The following CD1B variants were observed in gnomAD, a reference collection of about 807,000 sequenced individuals.
The protein encoded by CD1B is T-cell surface glycoprotein CD1b.
Under a neutral mutation model 39.8 loss-of-function variants are expected in CD1B, and 43 were observed. That is an observed-to-expected ratio of 1.08 (90% CI 0.85 to 1.39). The LOEUF is 1.39. CD1B is among the 40% of genes most tolerant of loss of function. CD1B has a pLI of 0.00. For missense variants in CD1B, 495 were observed against 403.8 expected (o/e 1.23, Z -1.94); for synonymous variants, 192 against 152.5 (o/e 1.26, Z -1.91).
In CD1B at chr1:158,329,863, A is replaced by G. The variant is rs1571188291; in HGVS notation, c.596T>C (p.Leu199Pro). 1 of 1,613,368 alleles carries G rather than the reference A, an allele frequency of 6.2e-7. No homozygotes were observed. Among genetic ancestry groups the G allele is most frequent in the South Asian group, 1.1e-5 (1 of 90,996 alleles). ...LGVLNAGKAD[L>P]QRQVKPEAWL... The stretch of plus-strand genomic sequence containing the variant: ...ACAGCAGGACTAACCTTGTCTTTGC[A>G]GATCTGCTTTTCCTGCATTGAGGAC... Residue 199 changes from leucine to proline, a missense_variant, in exon 3 of 6, where the codon CTG becomes CCG. Transcript: ENST00000368168.
chr1:158,329,168 A>T (rs930233286), intron 4 of CD1B, among the ~76,000 whole-genome samples, 154 bp from the exon 5 acceptor site: 5 of 151,862 alleles, frequency 3.3e-5, no homozygotes, highest in African/African-American at 1.2e-4. Context: ...GATCCCCTCT[A>T]CCCAGTTTAC....
the CD1B span, chr1:158,292,644 A>G: frequency 3.1e-6 from 5 of 1,613,438 alleles, no homozygotes; most frequent in Non-Finnish European, 4.2e-6. Context: ...GGGTCTGGCC[A>G]GCTGTTGCTG....
chr1:158,293,366 CTT>C, the CD1B span: 2 of 1,594,106 alleles, frequency 1.3e-6, no homozygotes, highest in South Asian at 1.1e-5. Flanking sequence ...TTTTCACTCT[CTT>C]AGCTTTTCTC....
the CD1B span, among the ~76,000 whole-genome samples, chr1:158,307,207 G>T: frequency 1.3e-5 from 2 of 152,032 alleles, no homozygotes; most frequent in Admixed American, 6.6e-5. Flanking sequence ...GAAGAAAAGA[G>T]AGCAGAATCA....
downstream of CD1B, among the ~76,000 whole-genome samples, chr1:158,326,441 A>T (rs1652353592): frequency 6.6e-6 from 1 of 152,220 alleles, no homozygotes; most frequent in Admixed American, 6.5e-5. Context: ...CCTACAGATT[A>T]AAAACGGTTT....
At chr1:158,327,349 A>C (rs764852502), downstream of CD1B, among the ~76,000 whole-genome samples, 4 of 152,178 alleles carry the variant, frequency 2.6e-5, no homozygotes, top group Admixed American at 1.3e-4. Context: ...GACCCTTTAA[A>C]AGCTAGACTA....
intron 3 of CD1B, 35 bp downstream of exon 3, chr1:158,329,817 G>A (rs750523179): frequency 6.3e-7 from 1 of 1,593,250 alleles, no homozygotes; most frequent in South Asian, 1.2e-5. Context: ...GATCTTAGAG[G>A]AGGTGGTGGG....
At chr1:158,318,079 C>A in the CD1B span, among the ~76,000 whole-genome samples, 1 of 152,078 alleles carries the variant, frequency 6.6e-6, no homozygotes, top group African/African-American at 2.4e-5. Context: ...AGCTTTACTG[C>A]CAACTATGTG....
the CD1B span, among the ~76,000 whole-genome samples, chr1:158,303,103 C>T: frequency 6.6e-6 from 1 of 152,158 alleles, no homozygotes. Context: ...TGGGCTTCAT[C>T]CCTGGGACTC....
chr1:158,303,248 C>G, the CD1B span, among the ~76,000 whole-genome samples: 112 of 152,186 alleles, frequency 7.4e-4, 4 homozygotes, highest in South Asian at 0.023. Context: ...GGTTAAAAAC[C>G]CTTAAGAAAC....
intron 2 of CD1B, chr1:158,330,424 C>T (rs1652551364): frequency 1.8e-6 from 1 of 561,934 alleles, no homozygotes; most frequent in Non-Finnish European, 3.2e-6. Context: ...TGGAGGTTCC[C>T]AGCAAGAGGA....
At chr1:158,292,368 CA>C in the CD1B span, 12 of 1,610,086 alleles carry the variant, frequency 7.5e-6, no homozygotes, top group Non-Finnish European at 1.0e-5. Context: ...CAGGCAAGGT[CA>C]GTAGTTTCAG....
the CD1B span, chr1:158,292,623 G>A: frequency 4.1e-5 from 66 of 1,612,812 alleles, no homozygotes; most frequent in Non-Finnish European, 4.8e-5. Flanking sequence ...CTGTCCAGTC[G>A]CCCCAGCCTT....
downstream of CD1B, among the ~76,000 whole-genome samples, chr1:158,323,078 C>T (rs374102196): frequency 6.6e-6 from 1 of 151,974 alleles, no homozygotes; most frequent in Non-Finnish European, 1.5e-5. Flanking sequence ...GTGAATAAGC[C>T]GTCTATTTCC....
the CD1B span, among the ~76,000 whole-genome samples, chr1:158,320,982 A>G: frequency 6.6e-6 from 1 of 152,220 alleles, no homozygotes; most frequent in Non-Finnish European, 1.5e-5. Flanking sequence ...TATATTCTGC[A>G]ACTACTGGAT....
At position 158,330,409 on chromosome 1, in the gene CD1B, G is replaced by GT. The variant is rs376688127; in HGVS notation, c.329-280dup. 1,198 of 566,746 alleles carry GT rather than the reference G, an allele frequency of 2.1e-3. 44 individuals are homozygous for GT. The East Asian group carries it at 0.037, about 17-fold the overall frequency. 35.1% of individuals were successfully genotyped at this position (566,746 alleles called of 1,614,324 possible). ...GCAGTCAGGAGTGCAGCATTCCAGA[G>GT]TGAGTGGAGGTTCCCAGCAAGAGGA... On this transcript the variant is annotated intron_variant, in intron 2 of 5. Transcript: ENST00000368168.
the CD1B span, among the ~76,000 whole-genome samples, chr1:158,286,639 T>C: frequency 6.6e-6 from 1 of 152,144 alleles, no homozygotes; most frequent in African/African-American, 2.4e-5. Flanking sequence ...AAAGCAGGAC[T>C]ACATATCAGT....
chr1:158,305,204 A>C, the CD1B span, among the ~76,000 whole-genome samples: 1 of 152,152 alleles, frequency 6.6e-6, no homozygotes, highest in African/African-American at 2.4e-5. Context: ...AATTAGATGA[A>C]TGGCTAACTA....
At chr1:158,313,937 C>A in the CD1B span, among the ~76,000 whole-genome samples, 6 of 152,170 alleles carry the variant, frequency 3.9e-5, no homozygotes, top group African/African-American at 1.2e-4. Context: ...CTAAGTTTTA[C>A]AATTTGTTTT....
Sources: gnomAD v4.1 joint callset for allele counts (sites outside exome capture counted in the v4.1 genomes callset) on GRCh38, gnomAD v4.1.1 for gene constraint, MANE v1.5 for transcripts, NCBI Gene and HGNC (gene_info 2026-07-23, HGNC 2026-07-21) for gene names.